PDZRN3: variants seen among roughly 807,000 people sequenced by gnomAD.
PDZRN3 encodes the protein E3 ubiquitin-protein ligase PDZRN3.
A neutral mutation model predicts 85.7 loss-of-function variants in PDZRN3; 38 were observed. The ratio of observed to expected loss-of-function variants is 0.44; its 90% CI spans 0.34 to 0.58. PDZRN3 has a LOEUF of 0.58. PDZRN3 is among the 20% of genes least tolerant of loss of function. The pLI, the probability that PDZRN3 is intolerant of heterozygous loss-of-function variation, is 0.01. For missense variants in PDZRN3, 1,629 were observed against 1,506.4 expected (o/e 1.08, Z -1.35); for synonymous variants, 759 against 638.0 (o/e 1.19, Z -2.86).
At chr3:73,548,405 C>T (rs1701477821) in intron 3 of PDZRN3, among the ~76,000 whole-genome samples, 1 of 152,214 alleles carries the variant, frequency 6.6e-6, no homozygotes, top group South Asian at 2.1e-4. Flanking sequence ...CAGCATGTCC[C>T]TGAGAGGTGA....
At chr3:73,425,484 C>T (rs1053024180) in intron 3 of PDZRN3, among the ~76,000 whole-genome samples, 1 of 152,022 alleles carries the variant, frequency 6.6e-6, no homozygotes, top group Non-Finnish European at 1.5e-5. Flanking sequence ...AGAACCACTG[C>T]CCTAGCGGAA....
intron 3 of PDZRN3, among the ~76,000 whole-genome samples, chr3:73,417,745 G>A (rs1412026413): frequency 6.6e-6 from 1 of 152,148 alleles, no homozygotes; most frequent in African/African-American, 2.4e-5. Flanking sequence ...CTACTGAATT[G>A]CCAAAATATT....
rs184800183 is a variant in PDZRN3 at position 73,589,363 on chromosome 3, C to T, written c.918+12991G>A. The stretch of plus-strand genomic sequence containing the variant: ...CCACAAATGGCTCTTATTACTGAAT[C>T]CTTTAATATTCTGATCATGACAAAA... On this transcript the variant is annotated intron_variant, in intron 3 of 9. Transcript: ENST00000263666. Among the ~76,000 whole-genome samples the T allele has an allele frequency of 4.6e-5, 7 of 152,266 alleles. No individual in the cohort carries two copies. In the East Asian group the frequency reaches 7.7e-4, roughly 17 times the overall value.
At chr3:73,615,670 G>T (rs1328575160) in intron 1 of PDZRN3, among the ~76,000 whole-genome samples, 1 of 152,122 alleles carries the variant, frequency 6.6e-6, no homozygotes, top group Non-Finnish European at 1.5e-5. Flanking sequence ...TTGATCTAGG[G>T]GTTCCTAGCC....
chr3:73,545,069 GC>G (rs1701391301), intron 3 of PDZRN3, among the ~76,000 whole-genome samples: 1 of 152,212 alleles, frequency 6.6e-6, no homozygotes, highest in Non-Finnish European at 1.5e-5. Flanking sequence ...TTTACAGCAT[GC>G]CTACCTATAC....
chr3:73,424,658 C>T (rs1466104216), intron 3 of PDZRN3, among the ~76,000 whole-genome samples: 1 of 151,294 alleles, frequency 6.6e-6, no homozygotes, highest in African/African-American at 2.4e-5. Flanking sequence ...AATCCTACAA[C>T]CAGGGAAGAA....
chr3:73,465,003 G>A (rs1559693789), intron 3 of PDZRN3, among the ~76,000 whole-genome samples: 1 of 152,128 alleles, frequency 6.6e-6, no homozygotes, highest in Non-Finnish European at 1.5e-5. Context: ...TTTGACCAAC[G>A]TCTTCCCAAC....
At chr3:73,596,342 A>G (rs1436151846) in intron 3 of PDZRN3, among the ~76,000 whole-genome samples, 1 of 152,220 alleles carries the variant, frequency 6.6e-6, no homozygotes, top group Non-Finnish European at 1.5e-5. Flanking sequence ...CAATCATCAC[A>G]ATAACAGATT....
intron 3 of PDZRN3, among the ~76,000 whole-genome samples, chr3:73,459,656 C>T (rs1315621667): frequency 1.3e-5 from 2 of 152,200 alleles, no homozygotes; most frequent in Non-Finnish European, 2.9e-5. Context: ...CCCCCCAACT[C>T]GATCCATGCT....
intron 3 of PDZRN3, among the ~76,000 whole-genome samples, chr3:73,571,465 G>A (rs960652613): frequency 6.6e-6 from 1 of 152,182 alleles, no homozygotes; most frequent in Non-Finnish European, 1.5e-5. Flanking sequence ...ATTAGCAGAA[G>A]ACACATTCGC....
chr3:73,620,857 T>C (rs1002406259), intron 1 of PDZRN3, among the ~76,000 whole-genome samples: 1 of 152,248 alleles, frequency 6.6e-6, no homozygotes, highest in African/African-American at 2.4e-5. Flanking sequence ...ATTACAGGCG[T>C]GAGCCACTGA....
chr3:73,451,257 T>TA (rs1281755643), intron 3 of PDZRN3, among the ~76,000 whole-genome samples: 2 of 152,228 alleles, frequency 1.3e-5, no homozygotes, highest in East Asian at 1.9e-4. Flanking sequence ...GCAAGCGCAG[T>TA]AAAAAAATAA....
In PDZRN3 at chr3:73,417,026, C is replaced by T. The variant is rs569754875; in HGVS notation, c.919-12631G>A. Among the ~76,000 whole-genome samples the T allele has an allele frequency of 4.0e-5, 6 of 151,440 alleles. No individual in the cohort carries two copies. In the South Asian group the frequency reaches 1.0e-3, roughly 26 times the overall value. On this transcript the variant is annotated intron_variant, in intron 3 of 9. Coordinates refer to ENST00000263666, the MANE Select transcript of PDZRN3 (RefSeq NM_015009.3). ...TATGCCTCAGCCTCCTGATGGCATG[C>T]GCCATCAGGCCCAGCTAATTTTTTT...
intron 3 of PDZRN3, among the ~76,000 whole-genome samples, chr3:73,464,979 G>C (rs879550515): frequency 1.3e-5 from 2 of 152,192 alleles, no homozygotes; most frequent in Non-Finnish European, 2.9e-5. Flanking sequence ...TTATTTAAGT[G>C]AAAATTTGTA....
At chr3:73,559,020 A>T (rs1701761358) in intron 3 of PDZRN3, among the ~76,000 whole-genome samples, 1 of 152,190 alleles carries the variant, frequency 6.6e-6, no homozygotes, top group Non-Finnish European at 1.5e-5. Context: ...ATTCAAGAGA[A>T]ATGCTACAGT....
intron 3 of PDZRN3, among the ~76,000 whole-genome samples, chr3:73,409,720 A>G (rs1304198485): frequency 6.6e-6 from 1 of 152,202 alleles, no homozygotes; most frequent in Non-Finnish European, 1.5e-5. Context: ...ATCATGGGTT[A>G]AACTATTGTC....
chr3:73,426,514 A>T (rs1702318769), intron 3 of PDZRN3, among the ~76,000 whole-genome samples: 1 of 152,214 alleles, frequency 6.6e-6, no homozygotes, highest in Admixed American at 6.5e-5. Flanking sequence ...TTCTCAAACA[A>T]AACAATTTAT....
In PDZRN3 at chr3:73,384,233, G is replaced by T. The variant is rs750524177; in HGVS notation, c.2333C>A (p.Ser778Tyr). 79 of 1,613,544 alleles carry T rather than the reference G, an allele frequency of 4.9e-5. No individual in the cohort carries two copies. The highest frequency in any genetic ancestry group is 6.4e-5 in the Non-Finnish European group (75 of 1,180,028). Residue 778 changes from serine (S) to tyrosine (Y), a missense_variant, in exon 10 of 10, where the codon TCC becomes TAC. By Grantham distance (144) the Ser-to-Tyr change is moderately radical. Coordinates refer to ENST00000263666, the MANE Select transcript of PDZRN3 (RefSeq NM_015009.3). Reference protein sequence around the residue: ...PLTLEISPDNSLRRAAEGISC... With the variant: ...PLTLEISPDNYLRRAAEGISC... Reference sequence around the variant, plus strand: ...GATGCCCTCCGCCGCTCTCCTCAAGGAGTTGTCGGGGGAGATCTCCAGGGT... The same window carrying T: ...GATGCCCTCCGCCGCTCTCCTCAAGTAGTTGTCGGGGGAGATCTCCAGGGT...
At chr3:73,536,949 C>T (rs1559727552) in intron 3 of PDZRN3, among the ~76,000 whole-genome samples, 2 of 152,082 alleles carry the variant, frequency 1.3e-5, no homozygotes, top group African/African-American at 2.4e-5. Context: ...GAGAGGCCTC[C>T]TATTTTGTAC....
Sources: allele counts gnomAD v4.1 joint callset (sites outside exome capture counted in the v4.1 genomes callset), GRCh38; gene constraint gnomAD v4.1.1; transcripts MANE v1.5; gene names NCBI Gene and HGNC (gene_info 2026-07-23, HGNC 2026-07-21).